The following SLAIN1 variants were observed in gnomAD, a reference collection of about 807,000 sequenced individuals.
SLAIN1 encodes SLAIN motif-containing protein 1.
A neutral mutation model predicts 55.4 loss-of-function variants in SLAIN1; 17 were observed. That is an observed-to-expected ratio of 0.31 (90% CI 0.21 to 0.46). SLAIN1 has a LOEUF of 0.46. Among genes scored for constraint, SLAIN1 ranks in the 20% least tolerant of loss-of-function variants. The probability of loss-of-function intolerance (pLI) is 1.00; values close to 1 mark genes in which losing one functional copy is unlikely to be tolerated. For synonymous variants in SLAIN1, 348 were observed against 337.4 expected (o/e 1.03, Z -0.35); for missense variants, 682 against 785.1 (o/e 0.87, Z 1.57).
intron 2 of SLAIN1, among the ~76,000 whole-genome samples, chr13:77,728,623 C>T (rs1158008284): frequency 6.6e-6 from 1 of 152,138 alleles, no homozygotes; most frequent in African/African-American, 2.4e-5. Context: ...GGTACCAGTT[C>T]CCAATCTTAT....
intron 5 of SLAIN1, among the ~76,000 whole-genome samples, chr13:77,758,356 TA>T (rs1230423621): frequency 2.6e-5 from 4 of 152,184 alleles, no homozygotes; most frequent in South Asian, 2.1e-4. Flanking sequence ...AGTTTGCAGA[TA>T]TTTTTTTCTA....
chr13:77,699,999 G>C (rs1304297497), intron 1 of SLAIN1, among the ~76,000 whole-genome samples: 1 of 152,104 alleles, frequency 6.6e-6, no homozygotes, highest in Non-Finnish European at 1.5e-5. Flanking sequence ...TTTTCTGATG[G>C]TATGTATGTA....
chr13:77,701,901 A>C, intron 1 of SLAIN1, among the ~76,000 whole-genome samples: 1 of 140,266 alleles, frequency 7.1e-6, no homozygotes, highest in Non-Finnish European at 1.5e-5. Flanking sequence ...ATATCTCCCA[A>C]TGCTATCCCT....
intron 4 of SLAIN1, among the ~76,000 whole-genome samples, chr13:77,751,877 G>A (rs1232540262): frequency 6.6e-6 from 1 of 152,024 alleles, no homozygotes; most frequent in Non-Finnish European, 1.5e-5. Flanking sequence ...TCGTATATAT[G>A]CTTTTTTTTT....
chr13:77,744,296 G>T lies in SLAIN1; in HGVS notation c.780G>T (p.Arg260Ser). 1.2e-6 allele frequency: 2 copies of T among 1,612,524 alleles called. No homozygotes were observed. Among genetic ancestry groups the T allele is most frequent in the Non-Finnish European group, 1.7e-6 (2 of 1,179,004 alleles). The change falls in exon 3 of 7, where the codon AGG becomes AGT. Residue 260 changes from arginine (R) to serine (S), a missense_variant. Physicochemically the swap from Arg to Ser is moderately radical, Grantham distance 110. Around this residue, in one of 3 missense-constraint regions of SLAIN1, gnomAD observed 401 missense variants for 417.3 expected, o/e 0.96. Coordinates refer to ENST00000418532, the MANE Select transcript of SLAIN1 (RefSeq NM_001242868.2). ...CFRLEQGYTS[R>S]GSPLSPQSSI... Reference sequence around the variant, plus strand: ...TTTGTGTTTCAGGTTACACTTCCAGGGGCTCCCCACTCAGTCCCCAGTCAT... The same window carrying T: ...TTTGTGTTTCAGGTTACACTTCCAGTGGCTCCCCACTCAGTCCCCAGTCAT...
In SLAIN1 at chr13:77,697,752, G is replaced by A. The variant is rs922034715; in HGVS notation, c.-162G>A. 1 of 584,222 alleles carries A rather than the reference G, an allele frequency of 1.7e-6. No homozygotes were observed. Among genetic ancestry groups the A allele is most frequent in the Non-Finnish European group, 2.4e-6 (1 of 424,730 alleles). 36.2% of individuals were successfully genotyped at this position (584,222 alleles called of 1,614,324 possible). On this transcript the variant is annotated 5_prime_UTR_variant, in exon 1 of 7. Transcript: ENST00000418532. Reference sequence around the variant, plus strand: ...GGTGGTGGCTGCCGCGGCCGGAGGCGAGGGCCCGGTGCTGATGCGAACCGC... The same window carrying A: ...GGTGGTGGCTGCCGCGGCCGGAGGCAAGGGCCCGGTGCTGATGCGAACCGC...
intron 2 of SLAIN1, among the ~76,000 whole-genome samples, chr13:77,725,869 G>A (rs1476787938): frequency 6.6e-6 from 1 of 152,116 alleles, no homozygotes; most frequent in Non-Finnish European, 1.5e-5. Context: ...GTCAAGGTTG[G>A]TTTCTGTAGG....
chr13:77,746,441 C>A, intron 3 of SLAIN1, 73 bp from the exon 4 acceptor site: 1 of 1,302,932 alleles, frequency 7.7e-7, no homozygotes, highest in Non-Finnish European at 1.0e-6. Flanking sequence ...AATTTTTCAT[C>A]TAATACTTGG....
chr13:77,733,820 G>T (rs147990658), intron 2 of SLAIN1, among the ~76,000 whole-genome samples: 1 of 152,238 alleles, frequency 6.6e-6, no homozygotes, highest in East Asian at 1.9e-4. Flanking sequence ...CAAGCACTGT[G>T]GAGAAACTAA....
intron 1 of SLAIN1, among the ~76,000 whole-genome samples, chr13:77,714,245 C>A (rs2091184044): frequency 6.6e-6 from 1 of 152,116 alleles, no homozygotes; most frequent in South Asian, 2.1e-4. Flanking sequence ...ACTAGTGGCT[C>A]ATTTCTGTCA....
At chr13:77,708,100 T>C (rs746506312) in intron 1 of SLAIN1, among the ~76,000 whole-genome samples, 16 of 152,216 alleles carry the variant, frequency 1.1e-4, no homozygotes, top group Non-Finnish European at 2.1e-4. Context: ...GAAATCTCCA[T>C]AAGTGAACAT....
At chr13:77,740,215 T>C (rs1260625573) in intron 2 of SLAIN1, among the ~76,000 whole-genome samples, 2 of 151,990 alleles carry the variant, frequency 1.3e-5, no homozygotes, top group Non-Finnish European at 2.9e-5. Context: ...AGTAACACAG[T>C]TAAAATACAT....
At chr13:77,747,507 A>G (rs571404360) in intron 4 of SLAIN1, among the ~76,000 whole-genome samples, 18 of 152,302 alleles carry the variant, frequency 1.2e-4, no homozygotes, top group African/African-American at 4.3e-4. Context: ...GGTCAAGCCC[A>G]TGGAGGCAAA....
intron 4 of SLAIN1, among the ~76,000 whole-genome samples, chr13:77,748,901 A>G (rs1339686249): frequency 6.6e-6 from 1 of 152,162 alleles, no homozygotes; most frequent in Admixed American, 6.6e-5. Context: ...CATCTGGTAC[A>G]CATTTTCTCC....
At position 77,698,774 on chromosome 13, in the gene SLAIN1, C is replaced by A. The variant is rs1049252450; in HGVS notation, c.626+235C>A. On this transcript the variant is annotated intron_variant, in intron 1 of 6. Transcript: ENST00000418532. The surrounding 1 kb of genome is among the most constrained non-coding windows in gnomAD (Gnocchi z 4.1). The stretch of plus-strand genomic sequence containing the variant: ...TCGCTCCGACTGCGGATGAACCGGC[C>A]CCCCCTTCCCCCCATCTGCCATGGG... 11 of 1,205,236 alleles carry A rather than the reference C, an allele frequency of 9.1e-6. No individual in the cohort carries two copies. In the Admixed American group the frequency reaches 2.8e-4, roughly 31 times the overall value. The allele number at this position is 1,205,236 out of a possible 1,614,324, so 74.7% of individuals were successfully genotyped here. A position where few individuals can be genotyped will look rare whatever the true frequency, so the allele number is the denominator to read the frequency against.
intron 1 of SLAIN1, among the ~76,000 whole-genome samples, chr13:77,709,851 A>G (rs762706414): frequency 1.3e-5 from 2 of 151,630 alleles, no homozygotes; most frequent in Non-Finnish European, 2.9e-5. Context: ...GCTCACTGCA[A>G]CCCCCGCCTC....
At chr13:77,761,157 A>T in intron 6 of SLAIN1, 47 bp downstream of exon 6, 1 of 1,585,872 alleles carries the variant, frequency 6.3e-7, no homozygotes, top group Non-Finnish European at 8.6e-7. Context: ...TGGAACTAGA[A>T]ACTGCTCCAG....
intron 5 of SLAIN1, among the ~76,000 whole-genome samples, chr13:77,756,096 T>G (rs1406650860): frequency 6.6e-6 from 1 of 152,146 alleles, no homozygotes; most frequent in Non-Finnish European, 1.5e-5. Context: ...TAAGTATTCT[T>G]TCTCAGTCTT....
intron 2 of SLAIN1, among the ~76,000 whole-genome samples, chr13:77,739,229 C>T (rs990914602): frequency 1.3e-4 from 20 of 151,656 alleles, no homozygotes; most frequent in Admixed American, 9.2e-4. Context: ...TCTAATTAGA[C>T]TATTATGTGT....
Sources: allele counts gnomAD v4.1 joint callset (sites outside exome capture counted in the v4.1 genomes callset), GRCh38; gene constraint gnomAD v4.1.1; regional missense constraint gnomAD v4.1.1; non-coding constraint Gnocchi (gnomAD v3.1); transcripts MANE v1.5; gene names NCBI Gene and HGNC (gene_info 2026-07-23, HGNC 2026-07-21).